Variants in CPNE7 observed in about 807,000 individuals in gnomAD.
CPNE7 encodes copine 7, also known as copine-7.
A neutral mutation model predicts 66.5 loss-of-function variants in CPNE7; 78 were observed. The observed-to-expected ratio is 1.17, with a 90% CI of 0.98 to 1.42. CPNE7 has a LOEUF of 1.42. CPNE7 is among the 40% of genes most tolerant of loss of function. The pLI is 0.00. For missense variants in CPNE7, 1,012 were observed against 776.6 expected, an observed-to-expected ratio of 1.30 and a Z score of -3.60; for synonymous variants, 468 against 336.7, an observed-to-expected ratio of 1.39 and a Z score of -4.27.
In CPNE7 at chr16:89,591,139, T is replaced by C; in HGVS notation, c.1181T>C (p.Val394Ala). ...EDDECEGIQG[V>A]VEAYQNCLPR... ...CTGCCCCCCACAGGCATCCAGGGCG[T>C]GGTGGAGGCCTACCAGAACTGCCTG... The change falls in exon 13 of 15, where the codon GTG becomes GCG. Residue 394 changes from valine (V) to alanine (A), a missense_variant. Physicochemically the swap from Val to Ala is moderately conservative, Grantham distance 64. Coordinates refer to ENST00000319518, the MANE Select transcript of CPNE7 (RefSeq NM_153636.3). 6.2e-7 allele frequency: 1 copy of C among 1,611,600 alleles called. No individual in the cohort carries two copies. The highest frequency in any genetic ancestry group is 8.5e-7 in the Non-Finnish European group (1 of 1,179,252).
intron 14 of CPNE7, 40 bp downstream of exon 14, chr16:89,595,643 G>T (rs570115442): frequency 5.8e-6 from 9 of 1,548,890 alleles, no homozygotes; most frequent in South Asian, 1.2e-5. Context: ...CCGGCTTGGG[G>T]GTCCCTGTTC....
intron 2 of CPNE7, among the ~76,000 whole-genome samples, chr16:89,581,548 A>G (rs536652818): frequency 1.3e-5 from 2 of 152,334 alleles, no homozygotes; most frequent in African/African-American, 4.8e-5. Flanking sequence ...CTGGCGTGCC[A>G]TCGATCCTGT....
chr16:89,586,871 G>A lies in CPNE7; in HGVS notation c.867+115G>A, dbSNP rs964189679. The A allele has an allele frequency of 1.2e-5, 14 of 1,155,736 alleles. No homozygotes were observed. The South Asian group carries it at 1.5e-4, about 13-fold the overall frequency. The allele number at this position is 1,155,736 out of a possible 1,614,324, so 71.6% of individuals were successfully genotyped here. ...GCCTGGTGGGCCCCAGCACGTCTGGGGAGGGGCTGAGAGACGGGGAAGGGC... is the reference window on the plus strand; with the variant it reads ...GCCTGGTGGGCCCCAGCACGTCTGGAGAGGGGCTGAGAGACGGGGAAGGGC... On this transcript the variant is annotated intron_variant, in intron 8 of 14. Coordinates refer to ENST00000319518, the MANE Select transcript of CPNE7 (RefSeq NM_153636.3).
At position 89,596,537 on chromosome 16, in the gene CPNE7, G is replaced by T. The variant is rs759774752; in HGVS notation, c.1593G>T (p.Val531=). Residue 531 remains valine (V), a synonymous_variant, in exon 15 of 15, where the codon GTG becomes GTT. Transcript: ENST00000319518. ...KCVLAEVPKQ[V]VEYYSHRGLP... ...TGCTGGCCGAGGTCCCGAAGCAGGT[G>T]GTGGAGTACTACAGCCACAGAGGCC... 2.5e-6 allele frequency: 4 copies of T among 1,609,982 alleles called. No homozygotes were observed. The highest frequency in any genetic ancestry group is 3.4e-6 in the Non-Finnish European group (4 of 1,179,854).
intron 2 of CPNE7, among the ~76,000 whole-genome samples, chr16:89,579,755 C>T (rs1303219191): frequency 6.7e-6 from 1 of 149,036 alleles, no homozygotes; most frequent in East Asian, 2.0e-4. Flanking sequence ...TCACACAGAA[C>T]ATCTCACCCA....
chr16:89,575,924 G>A lies in CPNE7; in HGVS notation c.27G>A (p.Ala9=). The A allele has an allele frequency of 7.9e-7, 1 of 1,261,414 alleles. No individual in the cohort carries two copies. The highest frequency in any genetic ancestry group is 1.0e-6 in the Non-Finnish European group (1 of 1,002,946). 78.1% of individuals were successfully genotyped at this position (1,261,414 alleles called of 1,614,324 possible). MSAGSERG[A]AATPGGLPAP... is the part of the protein sequence containing the mutation. ...TGAGCGCGGGCTCGGAGCGCGGGGC[G>A]GCGGCAACCCCCGGGGGTTTGCCCG... Residue 9 remains alanine (A), a synonymous_variant, in exon 1 of 15, where the codon GCG becomes GCA. Transcript: ENST00000319518.
rs933455260 is a variant in CPNE7 at position 89,596,923 on chromosome 16, G to C, written c.*302G>C. ...GTTCATCCACGGGAGACCCTGCCCC[G>C]ATGAGAAGGGGCAGGGACTGGGGGC... is the stretch of plus-strand genomic sequence containing the variant. On this transcript the variant is annotated 3_prime_UTR_variant, in exon 15 of 15. Coordinates refer to ENST00000319518, the MANE Select transcript of CPNE7 (RefSeq NM_153636.3). 1 of 293,444 alleles carries C rather than the reference G, an allele frequency of 3.4e-6. No individual in the cohort carries two copies. The highest frequency in any genetic ancestry group is 6.2e-5 in the East Asian group (1 of 16,066). 18.2% of individuals were successfully genotyped at this position (293,444 alleles called of 1,614,324 possible). A position where few individuals can be genotyped will look rare whatever the true frequency, so the allele number is the denominator to read the frequency against.
chr16:89,588,642 C>T (rs757335891), intron 9 of CPNE7, 33 bp from the exon 10 acceptor site: 1 of 1,612,070 alleles, frequency 6.2e-7, no homozygotes, highest in South Asian at 1.1e-5. Flanking sequence ...GAGCCCCGGC[C>T]CAGCACAGCT....
intron 2 of CPNE7, among the ~76,000 whole-genome samples, chr16:89,581,735 C>T (rs1171795117): frequency 3.3e-5 from 5 of 152,298 alleles, no homozygotes; most frequent in African/African-American, 1.2e-4. Flanking sequence ...GCCTCAACGG[C>T]CTGTGCTCAA....
At chr16:89,588,642 C>G (rs757335891) in intron 9 of CPNE7, 33 bp from the exon 10 acceptor site, 1 of 1,612,070 alleles carries the variant, frequency 6.2e-7, no homozygotes, top group Middle Eastern at 1.7e-4. Flanking sequence ...GAGCCCCGGC[C>G]CAGCACAGCT....
intron 14 of CPNE7, among the ~76,000 whole-genome samples, chr16:89,596,254 C>T (rs1052244935): frequency 2.6e-5 from 4 of 152,226 alleles, no homozygotes; most frequent in Non-Finnish European, 5.9e-5. Flanking sequence ...CCTCGCCTCC[C>T]GTGTCAGCAC....
intron 2 of CPNE7, among the ~76,000 whole-genome samples, chr16:89,581,028 C>T (rs2151431460): frequency 6.7e-6 from 1 of 150,142 alleles, no homozygotes; most frequent in African/African-American, 2.5e-5. Context: ...CGTCACCCGT[C>T]ACACGGAACA....
intron 13 of CPNE7, among the ~76,000 whole-genome samples, chr16:89,594,361 C>G (rs1014306276): frequency 1.3e-5 from 2 of 151,888 alleles, no homozygotes; most frequent in African/African-American, 4.8e-5. Context: ...GTGTGGGGCT[C>G]AGAGAGGGGG....
At chr16:89,586,959 C>T in intron 8 of CPNE7, 84 bp from the exon 9 acceptor site, 1 of 1,390,322 alleles carries the variant, frequency 7.2e-7, no homozygotes, top group South Asian at 1.2e-5. Context: ...GACTGGGCTG[C>T]CTGCGGGAGG....
In CPNE7 at chr16:89,586,666, C is replaced by G. The variant is rs757674138; in HGVS notation, c.781-4C>G. On this transcript the variant is annotated splice_region_variant and splice_polypyrimidine_tract_variant and intron_variant, in intron 7 of 14. Coordinates refer to ENST00000319518, the MANE Select transcript of CPNE7 (RefSeq NM_153636.3). ...TGGGGGGCCTCTGCTTGTTCCTGCC[C>G]CAGGCCCAGTGGGACTGTGTGAACC... 1.9e-6 allele frequency: 3 copies of G among 1,612,064 alleles called. No homozygotes were observed. Among genetic ancestry groups the G allele is most frequent in the Non-Finnish European group, 2.5e-6 (3 of 1,179,008 alleles).
intron 13 of CPNE7, among the ~76,000 whole-genome samples, chr16:89,594,965 G>C (rs1282870013): frequency 1.3e-5 from 2 of 152,114 alleles, no homozygotes; most frequent in Non-Finnish European, 2.9e-5. Context: ...ACTCAGTCTT[G>C]TGGCAGCACA....
chr16:89,594,867 G>C (rs975667433), intron 13 of CPNE7, among the ~76,000 whole-genome samples: 14 of 151,794 alleles, frequency 9.2e-5, no homozygotes, highest in South Asian at 2.1e-4. Flanking sequence ...GGCCAGGCTG[G>C]TCTCGAACTC....
At chr16:89,586,949 G>C in intron 8 of CPNE7, 94 bp from the exon 9 acceptor site, 1 of 1,290,066 alleles carries the variant, frequency 7.8e-7, no homozygotes, top group Non-Finnish European at 1.1e-6. Context: ...ACCCCAGAGG[G>C]ACTGGGCTGC....
Position 89,591,071 on chromosome 16 carries a change from G to A in CPNE7, c.1168+13G>A, listed in dbSNP as rs766031874. ...GATGAGTGTGAAGGTAGGAGCTCGA[G>A]GCAGGCCTGGGGAGGGGAGTGCAGG... On this transcript the variant is annotated intron_variant, in intron 12 of 14. Coordinates refer to ENST00000319518, the MANE Select transcript of CPNE7 (RefSeq NM_153636.3). 8.1e-6 allele frequency: 13 copies of A among 1,613,518 alleles called. No individual in the cohort carries two copies. The highest frequency in any genetic ancestry group is 1.7e-5 in the Admixed American group (1 of 59,994).
Sources: allele counts gnomAD v4.1 joint callset (sites outside exome capture counted in the v4.1 genomes callset), GRCh38; gene constraint gnomAD v4.1.1; transcripts MANE v1.5; gene names NCBI Gene and HGNC (gene_info 2026-07-23, HGNC 2026-07-21).